Variants in RNF20 observed in about 807,000 individuals in gnomAD.
RNF20 encodes the protein ring finger protein 20.
RNF20 carries 84 observed loss-of-function variants against 126.2 expected under a neutral mutation model. That is an observed-to-expected ratio of 0.67 (90% CI 0.56 to 0.80). The LOEUF (loss-of-function observed/expected upper bound fraction) is 0.80. RNF20 is among the 30% of genes least tolerant of loss of function. The probability of loss-of-function intolerance (pLI) is 0.00; values close to 1 mark genes in which losing one functional copy is unlikely to be tolerated. For synonymous variants in RNF20, 400 were observed against 414.3 expected (o/e 0.97, Z 0.42); for missense variants, 869 against 1,188.2 (o/e 0.73, Z 3.95).
chr9:101,549,250 T>C (rs1827403136), intron 9 of RNF20, among the ~76,000 whole-genome samples: 1 of 152,062 alleles, frequency 6.6e-6, no homozygotes, highest in Non-Finnish European at 1.5e-5. Flanking sequence ...GAGCAAGCCA[T>C]CTCCAATCGT....
At chr9:101,534,994 G>A (rs1038161441) in intron 1 of RNF20, among the ~76,000 whole-genome samples, 1 of 149,588 alleles carries the variant, frequency 6.7e-6, no homozygotes, top group African/African-American at 2.5e-5. Flanking sequence ...TGCAAGCTCC[G>A]CCTCCCGGGT....
chr9:101,544,821 A>G lies in RNF20; in HGVS notation c.683A>G (p.Glu228Gly), dbSNP rs1434482318. The change falls in exon 6 of 20, where the codon GAG becomes GGG. Residue 228 changes from glutamate to glycine, a missense_variant. Physicochemically the swap from Glu to Gly is moderately conservative, Grantham distance 98. Coordinates refer to ENST00000389120, the MANE Select transcript of RNF20 (RefSeq NM_019592.7). ...VQELNSFLAQ[E>G]NMRLQELTDL... is the part of the protein sequence containing the mutation. Reference sequence around the variant, plus strand: ...GAGCTGAACTCTTTCCTCGCACAGGAGAATATGAGGCTACAGGAATTGACA... The same window carrying G: ...GAGCTGAACTCTTTCCTCGCACAGGGGAATATGAGGCTACAGGAATTGACA... 1 of 1,613,962 alleles carries G rather than the reference A, an allele frequency of 6.2e-7. No individual in the cohort carries two copies. Among genetic ancestry groups the G allele is most frequent in the Non-Finnish European group, 8.5e-7 (1 of 1,179,836 alleles).
chr9:101,534,155 A>G (rs1827148047), intron 1 of RNF20: 1 of 151,626 alleles, frequency 6.6e-6, no homozygotes, highest in Admixed American at 6.6e-5. Context: ...GCGAGGTCCT[A>G]CTGAGGTTGT....
chr9:101,544,734 A>G, intron 5 of RNF20, 33 bp from the exon 6 acceptor site: 2 of 1,362,500 alleles, frequency 1.5e-6, no homozygotes, highest in Non-Finnish European at 2.1e-6. Flanking sequence ...GACACTCTAG[A>G]TGCTAAATTA....
chr9:101,536,886 A>G lies in RNF20; in HGVS notation c.129+1334A>G, dbSNP rs370433705. Among the ~76,000 whole-genome samples, 10 of 152,370 alleles carry G rather than the reference A, an allele frequency of 6.6e-5. No individual in the cohort carries two copies. The East Asian group carries it at 7.7e-4, about 12-fold the overall frequency. ...TATAGAAAAGCAAGGATTATAAACA[A>G]GAGTCCAGCTAGCAGACTTTTTTCT... On this transcript the variant is annotated intron_variant, in intron 2 of 19. Coordinates refer to ENST00000389120, the MANE Select transcript of RNF20 (RefSeq NM_019592.7).
Position 101,548,829 on chromosome 9 carries a change from A to G in RNF20, c.1092+1311A>G, listed in dbSNP as rs531760604. On this transcript the variant is annotated intron_variant, in intron 9 of 19. Coordinates refer to ENST00000389120, the MANE Select transcript of RNF20 (RefSeq NM_019592.7). ...CTAGGGTGAGGATCCAAAATGCATT[A>G]AAGTGGGGCTTGTATACAAGATGTT... Among the ~76,000 whole-genome samples the G allele has an allele frequency of 5.3e-5, 8 of 152,332 alleles. No individual in the cohort carries two copies. The East Asian group carries it at 9.6e-4, about 18-fold the overall frequency.
intron 16 of RNF20, 63 bp from the exon 17 acceptor site, chr9:101,560,738 G>T: frequency 1.3e-6 from 2 of 1,487,900 alleles, no homozygotes; most frequent in South Asian, 2.6e-5. Context: ...TAGATTAACA[G>T]AATAGTTTTT....
Position 101,547,524 on chromosome 9 carries a change from A to G in RNF20, c.1092+6A>G, listed in dbSNP as rs1827371873. On this transcript the variant is annotated splice_donor_region_variant and intron_variant, in intron 9 of 19. Transcript: ENST00000389120. ...CACAAAATGAAAAGCTGAAGGTAGG[A>G]ACGCATCCCTGAAGGGCAGTAAAAT... The G allele has an allele frequency of 1.2e-6, 2 of 1,613,702 alleles. No homozygotes were observed. The highest frequency in any genetic ancestry group is 1.1e-5 in the South Asian group (1 of 91,068).
At chr9:101,537,629 A>G (rs897116689) in intron 2 of RNF20, among the ~76,000 whole-genome samples, 36 of 152,240 alleles carry the variant, frequency 2.4e-4, no homozygotes, top group African/African-American at 8.7e-4. Context: ...TTTCATGTCA[A>G]GGAATGAGAA....
intron 13 of RNF20, among the ~76,000 whole-genome samples, 175 bp downstream of exon 13, chr9:101,552,928 T>A (rs562039908): frequency 6.6e-6 from 1 of 152,268 alleles, no homozygotes; most frequent in South Asian, 2.1e-4. Flanking sequence ...TGCATGGCTA[T>A]TTAGTACTTT....
At chr9:101,535,887 T>C (rs1408772213) in intron 2 of RNF20, among the ~76,000 whole-genome samples, 3 of 152,226 alleles carry the variant, frequency 2.0e-5, no homozygotes, top group African/African-American at 7.2e-5. Flanking sequence ...AGAGACAGTT[T>C]AGCAATCATT....
chr9:101,558,898 G>A (rs984472319), intron 16 of RNF20, among the ~76,000 whole-genome samples: 4 of 151,956 alleles, frequency 2.6e-5, no homozygotes, highest in East Asian at 1.9e-4. Context: ...AAGCTTTTTC[G>A]TTTAATTAAG....
rs116409222 is a variant in RNF20 at position 101,541,018 on chromosome 9, A to G, written c.628+43A>G. 9.2e-4 allele frequency: 1,372 copies of G among 1,495,220 alleles called. 6 individuals carry two copies. The African/African-American group carries it at 0.017, about 18-fold the overall frequency. The allele number at this position is 1,495,220 out of a possible 1,614,324, so 92.6% of individuals were successfully genotyped here. A position where few individuals can be genotyped will look rare whatever the true frequency, so the allele number is the denominator to read the frequency against. ...AGGCCGGGAGTAGTGGAGGAGGAAT[A>G]AGAATTCATTTTTGCATGCTAATTT... On this transcript the variant is annotated intron_variant, in intron 5 of 19. Coordinates refer to ENST00000389120, the MANE Select transcript of RNF20 (RefSeq NM_019592.7).
At chr9:101,539,016 A>T (rs548925065) in intron 2 of RNF20, among the ~76,000 whole-genome samples, 8 of 152,282 alleles carry the variant, frequency 5.3e-5, no homozygotes, top group Admixed American at 4.6e-4. Context: ...CCTGAGCACA[A>T]GCTGAGGTTT....
chr9:101,543,793 G>A lies in RNF20; in HGVS notation c.629-974G>A, dbSNP rs1262256966. On this transcript the variant is annotated intron_variant, in intron 5 of 19. Transcript: ENST00000389120. ...ATTCAGTCTCTACTTCTTAACTCAG[G>A]TTATGAATCAGAATAACCTTGGGAG... is the stretch of plus-strand genomic sequence containing the variant. 2.0e-5 allele frequency among the ~76,000 whole-genome samples: 3 copies of A among 152,234 alleles called. No homozygotes were observed. In the East Asian group the frequency reaches 5.8e-4, roughly 29 times the overall value.
chr9:101,547,285 T>C, intron 8 of RNF20, 71 bp downstream of exon 8: 1 of 1,594,208 alleles, frequency 6.3e-7, no homozygotes, highest in Non-Finnish European at 8.6e-7. Context: ...TAGGACTGTG[T>C]TCACAAGTGA....
chr9:101,557,301 C>A, intron 15 of RNF20, 83 bp from the exon 16 acceptor site: 1 of 942,260 alleles, frequency 1.1e-6, no homozygotes, highest in South Asian at 1.6e-5. Flanking sequence ...TCTAAATGAA[C>A]AGTGGGAAAA....
At chr9:101,557,941 T>C (rs1827562688) in intron 16 of RNF20, among the ~76,000 whole-genome samples, 1 of 152,132 alleles carries the variant, frequency 6.6e-6, no homozygotes, top group African/African-American at 2.4e-5. Context: ...GAGAAACTGT[T>C]AGAATTGTTA....
Position 101,547,474 on chromosome 9 carries a change from C to T in RNF20, c.1048C>T (p.Arg350Trp), listed in dbSNP as rs761717076. The stretch of plus-strand genomic sequence containing the variant: ...CCGTCTCTGTGAGCTGGAGAAACTT[C>T]GGCAAGACTTTGAGGAGGTCACTAC... Reference protein sequence around the residue: ...QNRLCELEKLRQDFEEVTTQN... With the variant: ...QNRLCELEKLWQDFEEVTTQN... The change falls in exon 9 of 20, where the codon CGG becomes TGG. Residue 350 changes from arginine to tryptophan, a missense_variant. Physicochemically the swap from Arg to Trp is moderately radical, Grantham distance 101. This residue lies in a region of RNF20 where 153 missense variants were observed against 226.4 expected (regional missense o/e 0.68). Coordinates refer to ENST00000389120, the MANE Select transcript of RNF20 (RefSeq NM_019592.7). 15 of 1,613,952 alleles carry T rather than the reference C, an allele frequency of 9.3e-6. No individual in the cohort carries two copies. The highest frequency in any genetic ancestry group is 2.2e-5 in the East Asian group (1 of 44,896).
Sources: gnomAD v4.1 joint callset for allele counts (sites outside exome capture counted in the v4.1 genomes callset) on GRCh38, gnomAD v4.1.1 for gene constraint, gnomAD v4.1.1 regional missense constraint, MANE v1.5 for transcripts, NCBI Gene and HGNC (gene_info 2026-07-23, HGNC 2026-07-21) for gene names.